Variants in TBC1D1 observed in about 807,000 individuals in gnomAD.
The protein encoded by TBC1D1 is TBC1 (tre-2/USP6, BUB2, cdc16) domain family, member 1.
A neutral mutation model predicts 125.6 loss-of-function variants in TBC1D1; 89 were observed. The ratio of observed to expected loss-of-function variants is 0.71; its 90% CI spans 0.60 to 0.85. TBC1D1 has a LOEUF of 0.85. Among genes scored for constraint, TBC1D1 ranks in the 40% least tolerant of loss-of-function variants. TBC1D1 has a pLI of 0.00. For synonymous variants in TBC1D1, 565 were observed against 564.1 expected, an observed-to-expected ratio of 1.00 and a Z score of -0.02; for missense variants, 1,377 against 1,469.2, an observed-to-expected ratio of 0.94 and a Z score of 1.03.
At chr4:38,125,724 G>A (rs556555930) in intron 18 of TBC1D1, among the ~76,000 whole-genome samples, 1 of 152,260 alleles carries the variant, frequency 6.6e-6, no homozygotes, top group South Asian at 2.1e-4. Context: ...GTTTTACTGG[G>A]AATTACAACT....
chr4:37,923,075 T>G (rs1229894661), intron 2 of TBC1D1, among the ~76,000 whole-genome samples: 8 of 152,160 alleles, frequency 5.3e-5, no homozygotes, highest in Non-Finnish European at 8.8e-5. Flanking sequence ...TCATCTACAT[T>G]AGGTATTTCT....
chr4:38,028,522 C>T (rs1047511380), intron 7 of TBC1D1, among the ~76,000 whole-genome samples: 13 of 152,002 alleles, frequency 8.6e-5, no homozygotes, highest in African/African-American at 2.4e-4. Context: ...CATTCAGAGC[C>T]GCCCTGGGCC....
chr4:38,021,062 T>A (rs551266078), intron 5 of TBC1D1, among the ~76,000 whole-genome samples: 55 of 152,320 alleles, frequency 3.6e-4, no homozygotes, highest in Non-Finnish European at 4.3e-4. Flanking sequence ...CTGGGTAATT[T>A]ATAAAGGAAA....
chr4:38,125,366 A>C (rs374367045), intron 18 of TBC1D1, among the ~76,000 whole-genome samples: 1 of 152,330 alleles, frequency 6.6e-6, no homozygotes, highest in East Asian at 1.9e-4. Context: ...AGCTGTAGAA[A>C]CCAGCACAGG....
At chr4:38,005,596 G>A (rs561631120) in intron 2 of TBC1D1, among the ~76,000 whole-genome samples, 3 of 152,282 alleles carry the variant, frequency 2.0e-5, no homozygotes, top group South Asian at 4.2e-4. Context: ...CCTGAGCCCC[G>A]TACAGGGAAC....
At chr4:38,133,337 G>T in intron 19 of TBC1D1, 80 bp downstream of exon 21, 1 of 1,389,434 alleles carries the variant, frequency 7.2e-7, no homozygotes, top group Non-Finnish European at 9.9e-7. Context: ...ACAGCAGGCT[G>T]GGCTTTCCCA....
At chr4:38,104,880 C>G (rs993435467) in intron 15 of TBC1D1, among the ~76,000 whole-genome samples, 1 of 151,986 alleles carries the variant, frequency 6.6e-6, no homozygotes, top group African/African-American at 2.4e-5. Flanking sequence ...CTCAGTCTCC[C>G]AAGTAGCTGG....
rs1753881902 is a variant in TBC1D1 at position 38,067,115 on chromosome 4, T to G, written c.2050+12777T>G. On this transcript the variant is annotated intron_variant, in intron 12 of 19. Coordinates refer to ENST00000261439, the MANE Select transcript of TBC1D1 (RefSeq NM_015173.4). ...TGGTCTCTATCTCTTGACTTTGTGA[T>G]CTGCCCGCCTCGGCCTCCCAAAGTG... 2.0e-5 allele frequency among the ~76,000 whole-genome samples: 3 copies of G among 152,184 alleles called. No homozygotes were observed. The South Asian group carries it at 6.2e-4, about 32-fold the overall frequency.
intron 12 of TBC1D1, among the ~76,000 whole-genome samples, chr4:38,065,859 A>G (rs983674064): frequency 1.3e-5 from 2 of 152,138 alleles, no homozygotes; most frequent in Non-Finnish European, 2.9e-5. Flanking sequence ...CATGTTGGGC[A>G]GGCTGGTCTC....
At chr4:38,044,151 C>T (rs549090418) in intron 8 of TBC1D1, among the ~76,000 whole-genome samples, 4 of 152,196 alleles carry the variant, frequency 2.6e-5, no homozygotes, top group African/African-American at 7.2e-5. Flanking sequence ...AAGCACATTT[C>T]GTCATTTTAC....
At chr4:37,903,295 G>A (rs546833685) in intron 2 of TBC1D1, among the ~76,000 whole-genome samples, 6 of 152,128 alleles carry the variant, frequency 3.9e-5, no homozygotes, top group African/African-American at 1.4e-4. Context: ...TGTAGCTCTG[G>A]GCAGGACTCA....
chr4:37,941,695 A>C (rs1349787225), intron 2 of TBC1D1, among the ~76,000 whole-genome samples: 2 of 152,148 alleles, frequency 1.3e-5, no homozygotes, highest in African/African-American at 4.8e-5. Flanking sequence ...ACTGCTTTGA[A>C]TGTGTCCCAG....
chr4:37,891,716 C>T (rs943594530), intron 1 of TBC1D1, among the ~76,000 whole-genome samples: 118 of 127,174 alleles, frequency 9.3e-4, no homozygotes, highest in African/African-American at 3.3e-3. Context: ...AGAGTGTGGT[C>T]AGAGTGACCC....
At chr4:38,057,752 A>G (rs781239096) in intron 12 of TBC1D1, among the ~76,000 whole-genome samples, 9 of 152,206 alleles carry the variant, frequency 5.9e-5, no homozygotes, top group Admixed American at 1.3e-4. Flanking sequence ...GAACATCGAC[A>G]TTTTTATGAA....
chr4:38,050,050 T>C, intron 11 of TBC1D1, 152 bp downstream of exon 11: 2 of 887,416 alleles, frequency 2.3e-6, no homozygotes, highest in Non-Finnish European at 3.4e-6. Flanking sequence ...ACATGTTCGT[T>C]CGAGCTGCTT....
intron 12 of TBC1D1, among the ~76,000 whole-genome samples, chr4:38,076,982 G>GT (rs1484583360): frequency 6.6e-6 from 1 of 152,038 alleles, no homozygotes; most frequent in African/African-American, 2.4e-5. Context: ...ATACCTTCCT[G>GT]TTTCCTGGCT....
At chr4:37,909,617 C>T (rs1718114345) in intron 2 of TBC1D1, among the ~76,000 whole-genome samples, 1 of 152,112 alleles carries the variant, frequency 6.6e-6, no homozygotes, top group Non-Finnish European at 1.5e-5. Context: ...TTTTGAAGAA[C>T]ATAGTATTAT....
At chr4:38,078,110 A>C (rs1204382085) in intron 12 of TBC1D1, among the ~76,000 whole-genome samples, 1 of 152,178 alleles carries the variant, frequency 6.6e-6, no homozygotes, top group African/African-American at 2.4e-5. Context: ...ATAGAAAGCA[A>C]GTGCTGTGAA....
intron 13 of TBC1D1, 112 bp downstream of exon 15, chr4:38,090,229 G>A: frequency 1.0e-6 from 1 of 981,248 alleles, no homozygotes; most frequent in Non-Finnish European, 1.6e-6. Flanking sequence ...ATAGTCTAAT[G>A]TATACATCTA....
Sources: gnomAD v4.1 joint callset for allele counts (sites outside exome capture counted in the v4.1 genomes callset) on GRCh38, gnomAD v4.1.1 for gene constraint, MANE v1.5 for transcripts, NCBI Gene and HGNC (gene_info 2026-07-23, HGNC 2026-07-21) for gene names.